The following NPR3 variants were observed in gnomAD, a reference collection of about 807,000 sequenced individuals.
NPR3 encodes the protein natriuretic peptide receptor 3, also known as atrial natriuretic peptide receptor 3.
NPR3 carries 34 observed loss-of-function variants against 54.5 expected under a neutral mutation model. That is an observed-to-expected ratio of 0.62 (90% confidence interval 0.47 to 0.83). The LOEUF (loss-of-function observed/expected upper bound fraction) is 0.83. Among genes scored for constraint, NPR3 ranks in the 40% least tolerant of loss-of-function variants. NPR3 has a pLI of 0.00. For missense variants in NPR3, 674 were observed against 720.8 expected (o/e 0.94, Z 0.74); for synonymous variants, 289 against 297.1 (o/e 0.97, Z 0.28).
chr5:32,744,347 G>C (rs897760365), intron 3 of NPR3, among the ~76,000 whole-genome samples: 16 of 152,146 alleles, frequency 1.1e-4, no homozygotes. Context: ...CAGCCCAGTG[G>C]TTAAATACGC....
Position 32,712,362 on chromosome 5 carries a change from C to T in NPR3, c.586C>T (p.His196Tyr). The T allele has an allele frequency of 1.2e-6, 2 of 1,612,798 alleles. No homozygotes were observed. The highest frequency in any genetic ancestry group is 1.7e-6 in the Non-Finnish European group (2 of 1,179,174). The change falls in exon 1 of 8, where the codon CAC becomes TAC. Residue 196 changes from histidine (H) to tyrosine (Y), a missense_variant. His to Tyr is a moderately conservative substitution (Grantham distance 83, BLOSUM62 2). Coordinates refer to ENST00000265074, the MANE Select transcript of NPR3 (RefSeq NM_001204375.2). ...GATGCTCGCCCTGTTCCGCCACCACCACTGGAGCCGCGCTGCACTGGTCTA... is the reference window on the plus strand; with the variant it reads ...GATGCTCGCCCTGTTCCGCCACCACTACTGGAGCCGCGCTGCACTGGTCTA... ...EMMLALFRHH[H>Y]WSRAALVYSD...
At chr5:32,729,012 GTGTTTTT>G (rs1467096346) in intron 2 of NPR3, among the ~76,000 whole-genome samples, 7 of 127,728 alleles carry the variant, frequency 5.5e-5, no homozygotes, top group Admixed American at 1.7e-4. Context: ...GTGTGCCTGT[GTGTTTTT>G]TTTTTTTTTT....
chr5:32,714,457 A>G (rs1044227109), intron 1 of NPR3, among the ~76,000 whole-genome samples: 2 of 150,534 alleles, frequency 1.3e-5, no homozygotes, highest in African/African-American at 4.9e-5. Context: ...GGCTGTAAGA[A>G]TTATTTTTTA....
intron 2 of NPR3, among the ~76,000 whole-genome samples, chr5:32,731,407 G>A (rs1443728246): frequency 6.6e-6 from 1 of 152,162 alleles, no homozygotes; most frequent in Non-Finnish European, 1.5e-5. Flanking sequence ...TTAAGAGATG[G>A]TTAAGAGCTT....
intron 3 of NPR3, among the ~76,000 whole-genome samples, chr5:32,759,052 G>C (rs1053221799): frequency 6.6e-6 from 1 of 152,144 alleles, no homozygotes; most frequent in African/African-American, 2.4e-5. Context: ...AATAGGTGTG[G>C]TGTGGTGCTG....
chr5:32,739,614 G>A (rs1419856568), intron 3 of NPR3, among the ~76,000 whole-genome samples: 1 of 152,120 alleles, frequency 6.6e-6, no homozygotes, highest in Non-Finnish European at 1.5e-5. Flanking sequence ...TTCAAGAGTG[G>A]ACAAGAGTCA....
Position 32,711,910 on chromosome 5 carries a change from G to C in NPR3, c.134G>C (p.Arg45Thr), listed in dbSNP as rs2111839953. 4 of 1,492,438 alleles carry C rather than the reference G, an allele frequency of 2.7e-6. No individual in the cohort carries two copies. The highest frequency in any genetic ancestry group is 2.5e-5 in the East Asian group (1 of 40,230). The allele number at this position is 1,492,438 out of a possible 1,614,324, so 92.4% of individuals were successfully genotyped here. The change falls in exon 1 of 8, where the codon AGA (arginine) becomes ACA (threonine). Residue 45 changes from arginine (R) to threonine (T), a missense_variant. Transcript: ENST00000265074. ...GGCATAGGCGGCGGACGCCAGGAGA[G>C]AGAGGCGCTGCCGCCACAGAAGATC... Reference protein sequence around the residue: ...GAGIGGGRQEREALPPQKIEV... With the variant: ...GAGIGGGRQETEALPPQKIEV...
In NPR3 at chr5:32,739,031, G is replaced by A. The variant is rs752059527; in HGVS notation, c.1059+1G>A. On this transcript the variant is annotated splice_donor_variant, in intron 3 of 7. Coordinates refer to ENST00000265074, the MANE Select transcript of NPR3 (RefSeq NM_001204375.2). LOFTEE classifies it high-confidence loss of function. ...ACAAGGGCTCAATATGGAGGATTAC[G>A]TAAGTGCCTGATTATGAGCCTAGAC... is the stretch of plus-strand genomic sequence containing the variant. 14 of 1,613,374 alleles carry A rather than the reference G, an allele frequency of 8.7e-6. No individual in the cohort carries two copies. The highest frequency in any genetic ancestry group is 5.5e-5 in the South Asian group (5 of 90,954).
intron 3 of NPR3, among the ~76,000 whole-genome samples, chr5:32,765,971 G>A (rs1741432500): frequency 6.6e-6 from 1 of 152,204 alleles, no homozygotes; most frequent in Non-Finnish European, 1.5e-5. Flanking sequence ...AGCCTGCAAG[G>A]CCTGTGGCAG....
intron 1 of NPR3, among the ~76,000 whole-genome samples, chr5:32,715,656 G>C (rs900234857): frequency 5.3e-5 from 8 of 152,152 alleles, no homozygotes; most frequent in Middle Eastern, 3.4e-3. Flanking sequence ...GCCAGCTACT[G>C]CCCTCAATAT....
At chr5:32,715,876 C>T (rs947235434) in intron 1 of NPR3, among the ~76,000 whole-genome samples, 26 of 152,122 alleles carry the variant, frequency 1.7e-4, no homozygotes, top group African/African-American at 5.8e-4. Flanking sequence ...AATGACTGTA[C>T]AACATTATAC....
At chr5:32,753,672 G>A (rs1029979659) in intron 3 of NPR3, among the ~76,000 whole-genome samples, 3 of 121,802 alleles carry the variant, frequency 2.5e-5, no homozygotes, top group Non-Finnish European at 4.8e-5. Context: ...GACCTCTAAT[G>A]CACAAAACAT....
At chr5:32,757,389 G>A (rs1168174074) in intron 3 of NPR3, among the ~76,000 whole-genome samples, 1 of 152,144 alleles carries the variant, frequency 6.6e-6, no homozygotes, top group Non-Finnish European at 1.5e-5. Flanking sequence ...GTTCACTCAT[G>A]ATTTGGCTAT....
rs567063923 is a variant in NPR3 at position 32,761,794 on chromosome 5, A to T, written c.1060-12914A>T. 5.4e-4 allele frequency among the ~76,000 whole-genome samples: 80 copies of T among 148,166 alleles called. 1 individual carries two copies. The highest frequency in any genetic ancestry group is 1.9e-3 in the African/African-American group (78 of 40,378). On this transcript the variant is annotated intron_variant, in intron 3 of 7. Coordinates refer to ENST00000265074, the MANE Select transcript of NPR3 (RefSeq NM_001204375.2). ...TTTATTTCTTTAACTCAAAAATATA[A>T]TTTTTTTTTTCATTATACTTTAAGT... is the stretch of plus-strand genomic sequence containing the variant.
upstream of NPR3, chr5:32,710,758 G>A: frequency 6.5e-7 from 1 of 1,548,412 alleles, no homozygotes; most frequent in South Asian, 1.2e-5. Context: ...GGTGCTTCAG[G>A]AGGGAATGTG....
chr5:32,697,211 T>C (rs1033509858), intron 1 of NPR3, among the ~76,000 whole-genome samples: 6 of 152,158 alleles, frequency 3.9e-5, no homozygotes, highest in African/African-American at 1.4e-4. Context: ...TTATATTCAA[T>C]GCTTTTTCAG....
intron 1 of NPR3, among the ~76,000 whole-genome samples, chr5:32,703,326 C>T (rs980299249): frequency 5.3e-5 from 8 of 152,196 alleles, no homozygotes; most frequent in South Asian, 4.2e-4. Flanking sequence ...CCCAAAAGCC[C>T]GTTTAGTGTT....
rs139542431 is a variant in NPR3 at position 32,774,660 on chromosome 5, A to C, written c.1060-48A>C. The C allele has an allele frequency of 4.0e-6, 6 of 1,491,110 alleles. No individual in the cohort carries two copies. In the African/African-American group the frequency reaches 8.3e-5, roughly 21 times the overall value. 92.4% of individuals were successfully genotyped at this position (1,491,110 alleles called of 1,614,324 possible). ...TTGGATTGCTCATCTTATTCCTGGCATGAGTCACTTGGTGTTTTGGTTCAC... is the reference window on the plus strand; with the variant it reads ...TTGGATTGCTCATCTTATTCCTGGCCTGAGTCACTTGGTGTTTTGGTTCAC... On this transcript the variant is annotated intron_variant, in intron 3 of 7. Transcript: ENST00000265074.
At chr5:32,716,006 A>G (rs1738527260) in intron 1 of NPR3, among the ~76,000 whole-genome samples, 1 of 152,202 alleles carries the variant, frequency 6.6e-6, no homozygotes, top group South Asian at 2.1e-4. Flanking sequence ...AGAACCCATG[A>G]TAAGTGTAAA....
Sources: allele counts gnomAD v4.1 joint callset (sites outside exome capture counted in the v4.1 genomes callset), GRCh38; gene constraint gnomAD v4.1.1; transcripts MANE v1.5; gene names NCBI Gene and HGNC (gene_info 2026-07-23, HGNC 2026-07-21).